DIPK1A: variants seen among roughly 807,000 people sequenced by gnomAD.
DIPK1A encodes divergent protein kinase domain 1A, also known as family with sequence similarity 69 member A.
DIPK1A carries 27 observed loss-of-function variants against 40.8 expected under a neutral mutation model. That is an observed-to-expected ratio of 0.66 (90% CI 0.49 to 0.91). DIPK1A has a LOEUF of 0.91. DIPK1A is among the 40% of genes least tolerant of loss of function. The probability of loss-of-function intolerance (pLI) is 0.00; values close to 1 mark genes in which losing one functional copy is unlikely to be tolerated. For synonymous variants in DIPK1A, 166 were observed against 171.3 expected (o/e 0.97, Z 0.24); for missense variants, 412 against 505.7 (o/e 0.81, Z 1.78).
Position 92,843,447 on chromosome 1 carries a change from G to C in DIPK1A, c.1223C>G (p.Ser408Cys), listed in dbSNP as rs1237314608. The C allele has an allele frequency of 3.2e-6, 5 of 1,550,732 alleles. No individual in the cohort carries two copies. The highest frequency in any genetic ancestry group is 4.4e-6 in the Non-Finnish European group (5 of 1,146,522). The change falls in exon 5 of 5, where the codon TCT becomes TGT. Residue 408 changes from serine to cysteine, a missense_variant. By Grantham distance (112) the Ser-to-Cys change is moderately radical. Coordinates refer to ENST00000370310, the MANE Select transcript of DIPK1A (RefSeq NM_001006605.5). ...TGTTTTTAGGTTATTTAGTATCAAAGAATGTTCCATTTCCATTTGATTTGC... is the reference window on the plus strand; with the variant it reads ...TGTTTTTAGGTTATTTAGTATCAAACAATGTTCCATTTCCATTTGATTTGC... ...VTANQMEMEH[S>C]LILNNLKTLL... is the part of the protein sequence containing the mutation.
At chr1:92,874,692 A>G (rs1039017267) in intron 2 of DIPK1A, among the ~76,000 whole-genome samples, 9 of 152,084 alleles carry the variant, frequency 5.9e-5, no homozygotes, top group Admixed American at 5.2e-4. Flanking sequence ...TTAGAAACTG[A>G]GTTTTGTGGG....
In DIPK1A at chr1:92,936,257, T is replaced by C. The variant is rs992736030; in HGVS notation, c.54+25119A>G. Among the ~76,000 whole-genome samples, 3 of 152,324 alleles carry C rather than the reference T, an allele frequency of 2.0e-5. No homozygotes were observed. In the East Asian group the frequency reaches 5.8e-4, roughly 29 times the overall value. On this transcript the variant is annotated intron_variant, in intron 1 of 4. Transcript: ENST00000370310. ...TATGGAAATCTGGATCACATCTTTC[T>C]GCATTCATTTAACTAAATAGGCAGC...
At chr1:92,881,068 G>T (rs550994628) in intron 1 of DIPK1A, among the ~76,000 whole-genome samples, 5 of 149,166 alleles carry the variant, frequency 3.4e-5, no homozygotes. Flanking sequence ...AGCTACTCGG[G>T]AGGCTGAGGC....
chr1:92,857,479 G>A (rs1328753384), intron 2 of DIPK1A, among the ~76,000 whole-genome samples: 1 of 151,832 alleles, frequency 6.6e-6, no homozygotes, highest in Non-Finnish European at 1.5e-5. Flanking sequence ...CTGCCATCAC[G>A]CCCAGCTAAT....
In DIPK1A at chr1:92,922,328, C is replaced by CTTT. The variant is rs769055257; in HGVS notation, c.54+39045_54+39047dup. 8.0e-5 allele frequency among the ~76,000 whole-genome samples: 9 copies of CTTT among 112,364 alleles called. No homozygotes were observed. The South Asian group carries it at 1.9e-3, about 24-fold the overall frequency. 73.7% of individuals were successfully genotyped at this position (112,364 alleles called of 152,430 possible). On this transcript the variant is annotated intron_variant, in intron 1 of 4. Transcript: ENST00000370310. ...TTTCAGTTTTTTTGGAGAAATTTTT[C>CTTT]TTTTCTTTTTTTTTTAGCATTATTG...
intron 1 of DIPK1A, among the ~76,000 whole-genome samples, chr1:92,937,773 T>C (rs1651000524): frequency 6.6e-6 from 1 of 152,198 alleles, no homozygotes; most frequent in South Asian, 2.1e-4. Context: ...AGCATAAATG[T>C]ACATTTCAAT....
intron 2 of DIPK1A, among the ~76,000 whole-genome samples, chr1:92,868,384 A>G (rs1647667812): frequency 6.6e-6 from 1 of 152,238 alleles, no homozygotes; most frequent in African/African-American, 2.4e-5. Context: ...TAAGCCATAT[A>G]TGAAAGCAAT....
In DIPK1A at chr1:92,957,857, T is replaced by C. The variant is rs554120528; in HGVS notation, c.54+3519A>G. On this transcript the variant is annotated intron_variant, in intron 1 of 4. Transcript: ENST00000370310. Reference sequence around the variant, plus strand: ...CAATTTTAGAACATTTCTGTCCCCCTCAAGAACACTTCATATCCATCAGTA... The same window carrying C: ...CAATTTTAGAACATTTCTGTCCCCCCCAAGAACACTTCATATCCATCAGTA... Among the ~76,000 whole-genome samples the C allele has an allele frequency of 2.6e-5, 4 of 152,348 alleles. No individual in the cohort carries two copies. The South Asian group carries it at 6.2e-4, about 24-fold the overall frequency.
chr1:92,841,010 A>G (rs1687343320), downstream of DIPK1A, among the ~76,000 whole-genome samples: 1 of 152,248 alleles, frequency 6.6e-6, no homozygotes, highest in Non-Finnish European at 1.5e-5. Context: ...AATTAAATCA[A>G]TGTATTTAAC....
chr1:92,957,120 C>T (rs746479782), intron 1 of DIPK1A, among the ~76,000 whole-genome samples: 1 of 152,170 alleles, frequency 6.6e-6, no homozygotes, highest in African/African-American at 2.4e-5. Flanking sequence ...TAAACCAAAA[C>T]CAACAAATTA....
intron 1 of DIPK1A, among the ~76,000 whole-genome samples, chr1:92,893,600 A>T (rs1649006238): frequency 1.3e-5 from 2 of 152,154 alleles, no homozygotes; most frequent in South Asian, 4.1e-4. Context: ...TCAACTAACG[A>T]GCAAAATAAC....
chr1:92,874,066 TA>T (rs1266841814), intron 2 of DIPK1A, among the ~76,000 whole-genome samples: 1 of 152,214 alleles, frequency 6.6e-6, no homozygotes, highest in East Asian at 1.9e-4. Context: ...GAAAATGATG[TA>T]TTTTAGACTC....
chr1:92,879,910 T>C (rs946487725), intron 1 of DIPK1A, among the ~76,000 whole-genome samples: 1 of 152,236 alleles, frequency 6.6e-6, no homozygotes, highest in African/African-American at 2.4e-5. Context: ...TTCGGCAGAT[T>C]GTGTGCCTAG....
intron 2 of DIPK1A, among the ~76,000 whole-genome samples, chr1:92,874,162 A>G (rs1284946492): frequency 1.3e-5 from 2 of 152,224 alleles, no homozygotes; most frequent in Non-Finnish European, 2.9e-5. Flanking sequence ...TTTCTTATAA[A>G]TTAAAGGGAA....
exon 5 of DIPK1A, chr1:92,832,977 CTGAT>C (rs754054992): frequency 1.1e-5 from 8 of 728,438 alleles, no homozygotes; most frequent in East Asian, 2.5e-5. Flanking sequence ...TTTGGCATCA[CTGAT>C]TGCTGTCTGG....
Position 92,846,872 on chromosome 1 carries a change from T to C in DIPK1A, c.474+311A>G, listed in dbSNP as rs375936196. Among the ~76,000 whole-genome samples the C allele has an allele frequency of 3.3e-4, 5 of 15,326 alleles. 1 individual carries two copies. The highest frequency in any genetic ancestry group is 1.6e-3 in the African/African-American group (4 of 2,538). The allele number at this position is 15,326 out of a possible 152,430, so 10.1% of individuals were successfully genotyped here. ...GTATATATATATGTGTGTATATATA[T>C]ATATATATATACACACACACGTATA... On this transcript the variant is annotated intron_variant, in intron 4 of 4. Transcript: ENST00000370310.
At chr1:92,910,245 T>C (rs1649778067) in intron 1 of DIPK1A, among the ~76,000 whole-genome samples, 1 of 152,232 alleles carries the variant, frequency 6.6e-6, no homozygotes, top group Non-Finnish European at 1.5e-5. Context: ...ATAACAAGTA[T>C]GATTTATTGT....
Position 92,843,362 on chromosome 1 carries a change from T to C in DIPK1A, c.*21A>G. 1 of 1,471,594 alleles carries C rather than the reference T, an allele frequency of 6.8e-7. No individual in the cohort carries two copies. The highest frequency in any genetic ancestry group is 9.0e-7 in the Non-Finnish European group (1 of 1,111,230). The allele number at this position is 1,471,594 out of a possible 1,614,324, so 91.2% of individuals were successfully genotyped here. A position where few individuals can be genotyped will look rare whatever the true frequency, so the allele number is the denominator to read the frequency against. ...TTTAAAAGTGGCAGGTTTCTTAAAA[T>C]GGTAATTATGTCCAAATGAACTAAG... On this transcript the variant is annotated 3_prime_UTR_variant, in exon 5 of 5. Transcript: ENST00000370310.
At position 92,950,321 on chromosome 1, in the gene DIPK1A, T is replaced by G. The variant is rs368946068; in HGVS notation, c.54+11055A>C. On this transcript the variant is annotated intron_variant, in intron 1 of 4. Coordinates refer to ENST00000370310, the MANE Select transcript of DIPK1A (RefSeq NM_001006605.5). ...AGTTTTTCAGGATTGATAGAGCAAA[T>G]GGTGCACAAGGTGGTAGTGGCAGGA... Among the ~76,000 whole-genome samples the G allele has an allele frequency of 3.7e-4, 57 of 152,006 alleles. No homozygotes were observed. In the South Asian group the frequency reaches 0.011, roughly 30 times the overall value.
Sources: allele counts gnomAD v4.1 joint callset (sites outside exome capture counted in the v4.1 genomes callset), GRCh38; gene constraint gnomAD v4.1.1; transcripts MANE v1.5; gene names NCBI Gene and HGNC (gene_info 2026-07-23, HGNC 2026-07-21).